The following PARP8 variants were observed in gnomAD, a reference collection of about 807,000 sequenced individuals.
PARP8 encodes protein mono-ADP-ribosyltransferase PARP8.
Under a neutral mutation model 124.1 loss-of-function variants are expected in PARP8, and 51 were observed. That is an observed-to-expected ratio of 0.41 (90% CI 0.33 to 0.52). The LOEUF (loss-of-function observed/expected upper bound fraction) is 0.52. Ranked by LOEUF, PARP8 falls within the 20% of genes least tolerant of loss-of-function variation. PARP8 has a pLI of 0.21. For missense variants in PARP8, 860 were observed against 1,018.9 expected, an observed-to-expected ratio of 0.84 and a Z score of 2.12; for synonymous variants, 391 against 361.5, an observed-to-expected ratio of 1.08 and a Z score of -0.93.
intron 14 of PARP8, among the ~76,000 whole-genome samples, chr5:50,807,099 C>G (rs1471804825): frequency 6.6e-6 from 1 of 151,060 alleles, no homozygotes; most frequent in Non-Finnish European, 1.5e-5. Context: ...TTTCTTTAAG[C>G]CTGATTGTTT....
intron 3 of PARP8, among the ~76,000 whole-genome samples, chr5:50,759,033 CAA>C (rs375142214): frequency 8.5e-5 from 13 of 152,086 alleles, no homozygotes; most frequent in African/African-American, 2.2e-4. Flanking sequence ...TGATTTACAA[CAA>C]AGTCTTCAGC....
chr5:50,841,166 C>G (rs1466234056), intron 25 of PARP8, among the ~76,000 whole-genome samples: 1 of 151,884 alleles, frequency 6.6e-6, no homozygotes, highest in African/African-American at 2.4e-5. Flanking sequence ...TCTAAAGCTT[C>G]TGTCTTGAAG....
intron 2 of PARP8, among the ~76,000 whole-genome samples, chr5:50,729,023 T>C (rs1242235802): frequency 1.3e-5 from 2 of 152,074 alleles, no homozygotes; most frequent in Non-Finnish European, 2.9e-5. Context: ...CTTAGATATG[T>C]GATAATTTTA....
intron 2 of PARP8, among the ~76,000 whole-genome samples, chr5:50,715,507 G>A (rs573615224): frequency 1.3e-5 from 2 of 151,616 alleles, no homozygotes; most frequent in South Asian, 4.2e-4. Flanking sequence ...TATTCATGAG[G>A]ATCTAGTATA....
intron 3 of PARP8, among the ~76,000 whole-genome samples, chr5:50,750,945 G>A (rs1028967170): frequency 9.2e-5 from 14 of 152,074 alleles, no homozygotes; most frequent in Non-Finnish European, 1.3e-4. Flanking sequence ...AGATGGTTAT[G>A]CAGTCAGCCC....
At chr5:50,822,449 A>T (rs375629846) in intron 17 of PARP8, 49 bp downstream of exon 17, 1 of 1,406,494 alleles carries the variant, frequency 7.1e-7, no homozygotes, top group Non-Finnish European at 1.0e-6. Context: ...AATGTCTGAG[A>T]GTTCTAGCTA....
chr5:50,775,491 G>A (rs892263876), intron 7 of PARP8, among the ~76,000 whole-genome samples: 3 of 152,180 alleles, frequency 2.0e-5, no homozygotes, highest in African/African-American at 7.2e-5. Context: ...AGGCAGGGAG[G>A]TTGCGGCGAG....
At position 50,695,287 on chromosome 5, in the gene PARP8, C is replaced by G. The variant is rs1016538103; in HGVS notation, c.146+27162C>G. ...GTAATAATACTGAATTGTCAGTCAT[C>G]ATGTAGATCTGAACTGTAGGTGTCA... On this transcript the variant is annotated intron_variant, in intron 2 of 25. Coordinates refer to ENST00000281631, the MANE Select transcript of PARP8 (RefSeq NM_024615.4). Among the ~76,000 whole-genome samples, 4 of 152,164 alleles carry G rather than the reference C, an allele frequency of 2.6e-5. No individual in the cohort carries two copies. In the East Asian group the frequency reaches 7.7e-4, roughly 29 times the overall value.
intron 2 of PARP8, among the ~76,000 whole-genome samples, chr5:50,712,277 C>T (rs1392956074): frequency 1.3e-5 from 2 of 152,084 alleles, no homozygotes; most frequent in African/African-American, 4.8e-5. Context: ...GCATTTTATA[C>T]TTTAAAAAAC....
chr5:50,827,859 T>G (rs754870273), intron 19 of PARP8, 85 bp from the exon 20 acceptor site: 24 of 1,006,202 alleles, frequency 2.4e-5, no homozygotes, highest in Non-Finnish European at 3.5e-5. Flanking sequence ...GGGTAATTCT[T>G]AAACCAATAA....
At chr5:50,767,801 C>A (rs1231169630) in intron 7 of PARP8, among the ~76,000 whole-genome samples, 1 of 152,152 alleles carries the variant, frequency 6.6e-6, no homozygotes, top group African/African-American at 2.4e-5. Context: ...TGGGCAAAAA[C>A]CACACATTGA....
At chr5:50,698,161 C>G (rs1367959087) in intron 2 of PARP8, among the ~76,000 whole-genome samples, 1 of 152,114 alleles carries the variant, frequency 6.6e-6, no homozygotes, top group Non-Finnish European at 1.5e-5. Flanking sequence ...ATTTCTCAGT[C>G]GAATACACGA....
At chr5:50,738,783 G>C (rs1464517639) in intron 2 of PARP8, among the ~76,000 whole-genome samples, 1 of 151,872 alleles carries the variant, frequency 6.6e-6, no homozygotes, top group African/African-American at 2.4e-5. Context: ...ACAAACTTGT[G>C]TTGAGTTGCA....
chr5:50,838,283 C>T (rs941231072), intron 25 of PARP8, among the ~76,000 whole-genome samples: 27 of 151,964 alleles, frequency 1.8e-4, no homozygotes, highest in African/African-American at 6.0e-4. Flanking sequence ...GTCATCAATT[C>T]CCAAGTTTAT....
Position 50,668,106 on chromosome 5 carries a change from T to C in PARP8, c.127T>C (p.Tyr43His). 6.2e-7 allele frequency: 1 copy of C among 1,611,760 alleles called. No homozygotes were observed. The highest frequency in any genetic ancestry group is 8.5e-7 in the Non-Finnish European group (1 of 1,179,712). Reference protein sequence around the residue: ...RYSDSTFTFTYVGGPRSVSYS... With the variant: ...RYSDSTFTFTHVGGPRSVSYS... ...CTCTGACTCCACCTTTACTTTTACCTACGTTGGCGGCCCCAGAAGGTATTT... is the reference window on the plus strand; with the variant it reads ...CTCTGACTCCACCTTTACTTTTACCCACGTTGGCGGCCCCAGAAGGTATTT... Residue 43 changes from tyrosine (Y) to histidine (H), a missense_variant, in exon 2 of 26, where the codon TAC (tyrosine) becomes CAC (histidine). Transcript: ENST00000281631.
At chr5:50,739,634 T>G (rs1382455351) in intron 2 of PARP8, among the ~76,000 whole-genome samples, 2 of 150,796 alleles carry the variant, frequency 1.3e-5, no homozygotes, top group African/African-American at 4.9e-5. Context: ...TTTCTCCTGG[T>G]TATAAAATAA....
chr5:50,699,364 A>C (rs1313629407), intron 2 of PARP8, among the ~76,000 whole-genome samples: 1 of 152,194 alleles, frequency 6.6e-6, no homozygotes, highest in African/African-American at 2.4e-5. Context: ...CAGTGTTGGA[A>C]TCTTCAGAAA....
Position 50,746,226 on chromosome 5 carries a change from A to C in PARP8, c.147-3925A>C, listed in dbSNP as rs748105029. ...TGTATTATTCTTGAAATGATAAAAA[A>C]TTTAGAGCTAGGGAACTGATTAGTG... On this transcript the variant is annotated intron_variant, in intron 2 of 25. Transcript: ENST00000281631. 1.0e-3 allele frequency among the ~76,000 whole-genome samples: 157 copies of C among 152,310 alleles called. 3 individuals carry two copies. The highest frequency in any genetic ancestry group is 5.7e-4 in the Non-Finnish European group (39 of 68,022).
In PARP8 at chr5:50,823,739, A is replaced by G. The variant is rs574106780; in HGVS notation, c.1861-1169A>G. Among the ~76,000 whole-genome samples, 205 of 152,316 alleles carry G rather than the reference A, an allele frequency of 1.3e-3. 1 individual carries two copies. Among genetic ancestry groups the G allele is most frequent in the African/African-American group, 4.9e-3 (203 of 41,576 alleles). ...CTGACTCTGGAATCAGCTCTCTGCC[A>G]AAAATTGCTTTCTTTATTCTGGGTC... is the stretch of plus-strand genomic sequence containing the variant. On this transcript the variant is annotated intron_variant, in intron 17 of 25. Coordinates refer to ENST00000281631, the MANE Select transcript of PARP8 (RefSeq NM_024615.4).
Sources: allele counts gnomAD v4.1 joint callset (sites outside exome capture counted in the v4.1 genomes callset), GRCh38; gene constraint gnomAD v4.1.1; transcripts MANE v1.5; gene names NCBI Gene and HGNC (gene_info 2026-07-23, HGNC 2026-07-21).